The following INPP5D variants were observed in gnomAD, a reference collection of about 807,000 sequenced individuals.
INPP5D encodes phosphatidylinositol 3,4,5-trisphosphate 5-phosphatase 1.
In INPP5D, 33 loss-of-function variants were observed where a neutral mutation model predicts 122.9. That is an observed-to-expected ratio of 0.27 (90% confidence interval 0.20 to 0.36). INPP5D has a LOEUF of 0.36. INPP5D is among the 10% of genes least tolerant of loss of function. INPP5D has a pLI of 1.00. For synonymous variants in INPP5D, 584 were observed against 576.2 expected (o/e 1.01, Z -0.19); for missense variants, 1,053 against 1,412.7 (o/e 0.75, Z 4.08).
At chr2:233,066,308 C>T (rs940863255) in intron 1 of INPP5D, among the ~76,000 whole-genome samples, 2 of 152,216 alleles carry the variant, frequency 1.3e-5, no homozygotes, top group Admixed American at 6.5e-5. Flanking sequence ...TGAACCCTTG[C>T]GTCATGATGA....
chr2:233,180,483 T>G (rs1259132097), intron 18 of INPP5D, among the ~76,000 whole-genome samples: 1 of 152,118 alleles, frequency 6.6e-6, no homozygotes, highest in Non-Finnish European at 1.5e-5. Flanking sequence ...CTCTCCTGCC[T>G]CACACAGCAC....
In INPP5D at chr2:233,164,278, C is replaced by T. The variant is rs879453551; in HGVS notation, c.1438-29C>T. 4 of 1,532,868 alleles carry T rather than the reference C, an allele frequency of 2.6e-6. No homozygotes were observed. The highest frequency in any genetic ancestry group is 3.5e-6 in the Non-Finnish European group (4 of 1,136,676). 95.0% of individuals were successfully genotyped at this position (1,532,868 alleles called of 1,614,324 possible). On this transcript the variant is annotated intron_variant, in intron 12 of 26. Coordinates refer to ENST00000445964, the MANE Select transcript of INPP5D (RefSeq NM_001017915.3). The surrounding 1 kb of genome is among the most constrained non-coding windows in gnomAD (Gnocchi z 4.3). Reference sequence around the variant, plus strand: ...CCTGGTTCACACCCTACACTTGGGCCGAGTATTGCAACGTTGTCCTCCCAC... The same window carrying T: ...CCTGGTTCACACCCTACACTTGGGCTGAGTATTGCAACGTTGTCCTCCCAC...
At chr2:233,132,231 T>C (rs943091615) in intron 5 of INPP5D, among the ~76,000 whole-genome samples, 2 of 152,234 alleles carry the variant, frequency 1.3e-5, no homozygotes, top group Non-Finnish European at 2.9e-5. Flanking sequence ...TCAGTGGAGA[T>C]TCTGTTCTTC....
chr2:233,068,033 C>G lies in INPP5D; in HGVS notation c.134+7421C>G, dbSNP rs369842932. On this transcript the variant is annotated intron_variant, in intron 1 of 26. Coordinates refer to ENST00000445964, the MANE Select transcript of INPP5D (RefSeq NM_001017915.3). ...GGGCAAGGTGGCTCATGCCTGTAAT[C>G]CCAGCACTTTGGGAGGCCGAGGTGG... Among the ~76,000 whole-genome samples the G allele has an allele frequency of 6.5e-4, 99 of 152,246 alleles. 1 individual carries two copies. In the East Asian group the frequency reaches 0.017, roughly 27 times the overall value.
At chr2:233,168,417 A>G (rs1694403113) in intron 13 of INPP5D, among the ~76,000 whole-genome samples, 1 of 152,206 alleles carries the variant, frequency 6.6e-6, no homozygotes, top group Non-Finnish European at 1.5e-5. Flanking sequence ...TGTCAGAATC[A>G]CCTAGAGCAG....
In INPP5D at chr2:233,137,864, A is replaced by G. The variant is rs1421558236; in HGVS notation, c.666-1978A>G. On this transcript the variant is annotated intron_variant, in intron 5 of 26. Coordinates refer to ENST00000445964, the MANE Select transcript of INPP5D (RefSeq NM_001017915.3). ...AAAAAAAAAAAAAAAATATATATATATATATATATATATATATATATATAT... is the reference window on the plus strand; with the variant it reads ...AAAAAAAAAAAAAAAATATATATATGTATATATATATATATATATATATAT... 2.0e-4 allele frequency among the ~76,000 whole-genome samples: 5 copies of G among 25,414 alleles called. 1 individual carries two copies. Among genetic ancestry groups the G allele is most frequent in the African/African-American group, 5.8e-4 (4 of 6,860 alleles). 16.7% of individuals were successfully genotyped at this position (25,414 alleles called of 152,430 possible).
chr2:233,092,080 C>G (rs1162949602), intron 2 of INPP5D, among the ~76,000 whole-genome samples: 1 of 152,228 alleles, frequency 6.6e-6, no homozygotes, highest in East Asian at 1.9e-4. Context: ...ATTAGCAAAG[C>G]CTCCCAAGAT....
intron 2 of INPP5D, among the ~76,000 whole-genome samples, chr2:233,106,706 T>C (rs1356580148): frequency 6.6e-6 from 1 of 152,190 alleles, no homozygotes; most frequent in Non-Finnish European, 1.5e-5. Context: ...TGATGCCAGG[T>C]ATGAGGCACA....
intron 20 of INPP5D, 92 bp downstream of exon 20, chr2:233,184,613 C>A: frequency 6.6e-7 from 1 of 1,515,326 alleles, no homozygotes; most frequent in East Asian, 2.4e-5. Context: ...CATATCTTCT[C>A]TCCCTGGAAA....
chr2:233,202,202 C>T (rs1695358024), intron 25 of INPP5D, among the ~76,000 whole-genome samples: 1 of 152,164 alleles, frequency 6.6e-6, no homozygotes, highest in Admixed American at 6.5e-5. Context: ...GGTCAGAGGT[C>T]AGGACTTCTT....
intron 14 of INPP5D, 190 bp from the exon 15 acceptor site, chr2:233,169,836 C>A: frequency 9.4e-7 from 1 of 1,067,260 alleles, no homozygotes; most frequent in East Asian, 2.5e-5. Context: ...GCCTCAAATG[C>A]CCTTTGCATC....
At chr2:233,142,004 AGAT>A (rs1293209149) in intron 6 of INPP5D, among the ~76,000 whole-genome samples, 1 of 152,276 alleles carries the variant, frequency 6.6e-6, no homozygotes, top group African/African-American at 2.4e-5. Context: ...AAGCAAATCT[AGAT>A]AAAACAGGGG....
intron 5 of INPP5D, among the ~76,000 whole-genome samples, chr2:233,132,854 A>C (rs1439925228): frequency 6.6e-6 from 1 of 151,744 alleles, no homozygotes; most frequent in African/African-American, 2.4e-5. Context: ...TGAGGCACAC[A>C]ACAGTAGACT....
At chr2:233,185,976 C>A in intron 21 of INPP5D, 51 bp downstream of exon 21, 1 of 1,520,618 alleles carries the variant, frequency 6.6e-7, no homozygotes, top group South Asian at 1.3e-5. Context: ...TTTACTAGGC[C>A]AGTAGTACCA....
rs191604840 is a variant in INPP5D at position 233,115,131 on chromosome 2, T to C, written c.199-6976T>C. ...ATCCGCCCGCCTCAGCCTCCCAAAG[T>C]GCTGGGATTGCAAGCGTGAGCCATC... On this transcript the variant is annotated intron_variant, in intron 2 of 26. Transcript: ENST00000445964. Among the ~76,000 whole-genome samples the C allele has an allele frequency of 2.0e-5, 3 of 152,332 alleles. No homozygotes were observed. The East Asian group carries it at 5.8e-4, about 29-fold the overall frequency.
chr2:233,153,984 G>A (rs36197564), intron 9 of INPP5D, among the ~76,000 whole-genome samples: 3,696 of 152,218 alleles, frequency 0.024, 173 homozygotes, highest in East Asian at 0.22. Context: ...TTGCCATCAC[G>A]CAGTTTCCCC....
At chr2:233,199,556 G>A (rs1278759740) in intron 25 of INPP5D, among the ~76,000 whole-genome samples, 5 of 148,214 alleles carry the variant, frequency 3.4e-5, no homozygotes, top group African/African-American at 1.3e-4. Flanking sequence ...ATGGCCAGGT[G>A]CGGTGGTTCA....
At chr2:233,070,980 G>T (rs1222305345) in intron 1 of INPP5D, among the ~76,000 whole-genome samples, 1 of 151,860 alleles carries the variant, frequency 6.6e-6, no homozygotes, top group Non-Finnish European at 1.5e-5. Context: ...AATGATGCAG[G>T]ATACAGATTT....
chr2:233,061,305 T>G (rs1691067047), intron 1 of INPP5D, among the ~76,000 whole-genome samples: 1 of 148,458 alleles, frequency 6.7e-6, no homozygotes, highest in Non-Finnish European at 1.5e-5. Flanking sequence ...GTACCAGCTG[T>G]GCTAACAATG....
Sources: allele counts gnomAD v4.1 joint callset (sites outside exome capture counted in the v4.1 genomes callset), GRCh38; gene constraint gnomAD v4.1.1; non-coding constraint Gnocchi (gnomAD v3.1); transcripts MANE v1.5; gene names NCBI Gene and HGNC (gene_info 2026-07-23, HGNC 2026-07-21).